CACNA2D1: variants seen among roughly 807,000 people sequenced by gnomAD.
CACNA2D1 encodes calcium voltage-gated channel auxiliary subunit alpha2delta 1.
Under a neutral mutation model 171.5 loss-of-function variants are expected in CACNA2D1, and 53 were observed. The observed-to-expected ratio is 0.31, with a 90% CI of 0.25 to 0.39. The LOEUF is 0.39. Among genes scored for constraint, CACNA2D1 ranks in the 10% least tolerant of loss-of-function variants. The pLI is 1.00. For synonymous variants in CACNA2D1, 442 were observed against 443.1 expected, an observed-to-expected ratio of 1.00 and a Z score of 0.03; for missense variants, 903 against 1,299.8, an observed-to-expected ratio of 0.69 and a Z score of 4.69.
At chr7:82,190,396 C>T (rs1324155051) in intron 3 of CACNA2D1, among the ~76,000 whole-genome samples, 1 of 151,692 alleles carries the variant, frequency 6.6e-6, no homozygotes, top group East Asian at 1.9e-4. Flanking sequence ...AGATTAATTA[C>T]TAAAAGACAA....
chr7:82,334,113 C>G (rs1271325913), intron 3 of CACNA2D1, among the ~76,000 whole-genome samples: 1 of 152,044 alleles, frequency 6.6e-6, no homozygotes, highest in Non-Finnish European at 1.5e-5. Context: ...CAAGATGTCT[C>G]CCTCATTAGT....
At chr7:82,221,473 G>A (rs1266921425) in intron 3 of CACNA2D1, among the ~76,000 whole-genome samples, 6 of 152,040 alleles carry the variant, frequency 3.9e-5, no homozygotes, top group South Asian at 2.1e-4. Context: ...AGCCGGGGGC[G>A]GTGGCTCAGG....
chr7:82,340,510 G>T (rs1818504011), intron 2 of CACNA2D1, among the ~76,000 whole-genome samples: 1 of 151,578 alleles, frequency 6.6e-6, no homozygotes, highest in South Asian at 2.1e-4. Context: ...TAAACTTTCT[G>T]AGTGATTCAC....
At chr7:82,198,626 C>T (rs543348719) in intron 3 of CACNA2D1, among the ~76,000 whole-genome samples, 7 of 151,680 alleles carry the variant, frequency 4.6e-5, no homozygotes, top group African/African-American at 1.7e-4. Context: ...AACAAGTGGG[C>T]CCCTTCTATT....
At chr7:82,196,430 G>A (rs781004679) in intron 3 of CACNA2D1, among the ~76,000 whole-genome samples, 16 of 152,022 alleles carry the variant, frequency 1.1e-4, no homozygotes, top group Non-Finnish European at 1.9e-4. Context: ...ATTCCTGTTG[G>A]ATAGCTACTG....
At chr7:82,012,788 C>T (rs1799954245) in intron 14 of CACNA2D1, among the ~76,000 whole-genome samples, 2 of 152,128 alleles carry the variant, frequency 1.3e-5, no homozygotes, top group Non-Finnish European at 2.9e-5. Context: ...TTCACGTCCA[C>T]AAATGCCATG....
chr7:82,426,589 T>C (rs952849538), intron 1 of CACNA2D1, among the ~76,000 whole-genome samples: 9 of 152,250 alleles, frequency 5.9e-5, no homozygotes, highest in African/African-American at 2.2e-4. Context: ...AGTGCCATTC[T>C]ATATTACAAG....
intron 3 of CACNA2D1, among the ~76,000 whole-genome samples, chr7:82,308,688 A>G (rs1300104551): frequency 1.3e-5 from 2 of 152,206 alleles, no homozygotes; most frequent in Non-Finnish European, 2.9e-5. Flanking sequence ...TACCATGGGA[A>G]AGGCATTCCC....
intron 3 of CACNA2D1, among the ~76,000 whole-genome samples, chr7:82,282,703 GT>G (rs201573062): frequency 0.025 from 2,480 of 99,762 alleles, 70 homozygotes; most frequent in Admixed American, 0.034. Context: ...ATTGTAAAAT[GT>G]GGGGGGGGGA....
At chr7:82,081,059 T>C (rs1193682305) in intron 7 of CACNA2D1, among the ~76,000 whole-genome samples, 1 of 152,224 alleles carries the variant, frequency 6.6e-6, no homozygotes, top group Non-Finnish European at 1.5e-5. Flanking sequence ...TTAGGAGACC[T>C]ACCTAGGTTC....
intron 3 of CACNA2D1, among the ~76,000 whole-genome samples, chr7:82,216,507 T>C (rs1173102807): frequency 2.6e-5 from 4 of 152,168 alleles, no homozygotes; most frequent in South Asian, 2.1e-4. Flanking sequence ...TATGAAGCAG[T>C]TTATCAAAAT....
intron 1 of CACNA2D1, among the ~76,000 whole-genome samples, chr7:82,417,554 C>T (rs1051997742): frequency 2.0e-5 from 3 of 152,120 alleles, no homozygotes; most frequent in African/African-American, 7.2e-5. Flanking sequence ...ACACCACTGG[C>T]CACGGAAACA....
intron 4 of CACNA2D1, among the ~76,000 whole-genome samples, chr7:82,148,697 G>A (rs556900835): frequency 6.6e-6 from 1 of 152,278 alleles, no homozygotes; most frequent in East Asian, 1.9e-4. Context: ...GAGTGCAGTG[G>A]CACAATCTCG....
chr7:81,973,804 A>G (rs1795542907), intron 25 of CACNA2D1, among the ~76,000 whole-genome samples: 1 of 152,088 alleles, frequency 6.6e-6, no homozygotes. Context: ...ATGATTTAAA[A>G]GCCAAGAATC....
intron 3 of CACNA2D1, among the ~76,000 whole-genome samples, chr7:82,202,753 T>C (rs1799594554): frequency 6.6e-6 from 1 of 151,968 alleles, no homozygotes; most frequent in Non-Finnish European, 1.5e-5. Flanking sequence ...GTTGTCTCAG[T>C]CGGAGACCCC....
chr7:82,396,060 T>C (rs989168542), intron 1 of CACNA2D1, among the ~76,000 whole-genome samples: 1 of 152,232 alleles, frequency 6.6e-6, no homozygotes, highest in African/African-American at 2.4e-5. Flanking sequence ...AATTACCAGT[T>C]AAAATGTTCC....
intron 3 of CACNA2D1, among the ~76,000 whole-genome samples, chr7:82,303,077 T>C (rs2129427038): frequency 6.6e-6 from 1 of 152,204 alleles, no homozygotes; most frequent in East Asian, 1.9e-4. Context: ...CACTGCAAGC[T>C]CCGCCTCCTG....
intron 3 of CACNA2D1, among the ~76,000 whole-genome samples, chr7:82,299,481 T>G (rs1812734005): frequency 6.6e-6 from 1 of 151,796 alleles, no homozygotes. Context: ...GCCAACATGG[T>G]GAAACCCCAT....
chr7:82,339,669 G>A (rs947566380), intron 2 of CACNA2D1, among the ~76,000 whole-genome samples: 1 of 152,154 alleles, frequency 6.6e-6, no homozygotes, highest in Non-Finnish European at 1.5e-5. Flanking sequence ...GATGACAGTT[G>A]GATGAAATAG....
Sources: gnomAD v4.1 joint callset for allele counts (sites outside exome capture counted in the v4.1 genomes callset) on GRCh38, gnomAD v4.1.1 for gene constraint, MANE v1.5 for transcripts, NCBI Gene and HGNC (gene_info 2026-07-23, HGNC 2026-07-21) for gene names.